TMEFF2: variants seen among roughly 807,000 people sequenced by gnomAD.
The protein encoded by TMEFF2 is tomoregulin-2.
Under a neutral mutation model 53.8 loss-of-function variants are expected in TMEFF2, and 28 were observed. That is an observed-to-expected ratio of 0.52 (90% CI 0.39 to 0.71). The LOEUF (loss-of-function observed/expected upper bound fraction) is 0.71. Among genes scored for constraint, TMEFF2 ranks in the 30% least tolerant of loss-of-function variants. TMEFF2 has a pLI of 0.00. For missense variants in TMEFF2, 353 were observed against 455.2 expected, an observed-to-expected ratio of 0.78 and a Z score of 2.04; for synonymous variants, 162 against 166.3, an observed-to-expected ratio of 0.97 and a Z score of 0.20.
In TMEFF2 at chr2:192,143,816, A is replaced by T. The variant is rs145934140; in HGVS notation, c.439+35852T>A. 9.2e-5 allele frequency among the ~76,000 whole-genome samples: 14 copies of T among 152,190 alleles called. 1 individual carries two copies. In the East Asian group the frequency reaches 2.7e-3, roughly 29 times the overall value. On this transcript the variant is annotated intron_variant, in intron 4 of 9. Coordinates refer to ENST00000272771, the MANE Select transcript of TMEFF2 (RefSeq NM_016192.4). ...AAGTGGTTTATTTGAAGGATATAAGACCTATACTCTCTTCTCAGTGATATT... is the reference window on the plus strand; with the variant it reads ...AAGTGGTTTATTTGAAGGATATAAGTCCTATACTCTCTTCTCAGTGATATT...
intron 4 of TMEFF2, among the ~76,000 whole-genome samples, chr2:192,136,550 G>A (rs993504856): frequency 3.9e-5 from 6 of 152,104 alleles, no homozygotes; most frequent in African/African-American, 1.4e-4. Flanking sequence ...TGAGTGTATA[G>A]TAGTATTACC....
chr2:192,169,617 G>A (rs1045100837), intron 4 of TMEFF2, among the ~76,000 whole-genome samples: 2 of 152,080 alleles, frequency 1.3e-5, no homozygotes, highest in South Asian at 2.1e-4. Context: ...AATATTTTAC[G>A]TAGGCAAGTA....
intron 4 of TMEFF2, among the ~76,000 whole-genome samples, chr2:192,129,037 G>A (rs1455467080): frequency 6.6e-6 from 1 of 152,134 alleles, no homozygotes; most frequent in Admixed American, 6.5e-5. Context: ...TGCCCCATAG[G>A]AGAGTGTTGA....
intron 7 of TMEFF2, among the ~76,000 whole-genome samples, chr2:191,990,198 C>T (rs1385858146): frequency 1.3e-5 from 2 of 152,130 alleles, no homozygotes; most frequent in East Asian, 1.9e-4. Flanking sequence ...AGGAAACAAA[C>T]TACAACCATG....
rs138916856 is a variant in TMEFF2, at chr2:191,964,229, TTTCCTTCC to T, written c.746-7859_746-7852del. ...CTTTCTCTCTTTCTGTCTGTCTTTCTTTCCTTCCTTCCTTCCTTCCTTCCTTCCTCCTT... is the reference window on the plus strand; with the variant it reads ...CTTTCTCTCTTTCTGTCTGTCTTTCTTTCCTTCCTTCCTTCCTTCCTCCTT... On this transcript the variant is annotated intron_variant, in intron 7 of 9. Coordinates refer to ENST00000272771, the MANE Select transcript of TMEFF2 (RefSeq NM_016192.4). Among the ~76,000 whole-genome samples, 858 of 140,776 alleles carry T rather than the reference TTTCCTTCC, an allele frequency of 6.1e-3. 9 individuals carry two copies. The highest frequency in any genetic ancestry group is 0.025 in the East Asian group (119 of 4,806). The allele number at this position is 140,776 out of a possible 152,430, so 92.4% of individuals were successfully genotyped here. A position where few individuals can be genotyped will look rare whatever the true frequency, so the allele number is the denominator to read the frequency against.
chr2:192,089,355 C>T lies in TMEFF2; in HGVS notation c.440-31580G>A, dbSNP rs559341042. ...AAACAATCTTAGTCTTTTTTTCCCC[C>T]CAAAGGTTTGGATGACTGAATATTG... On this transcript the variant is annotated intron_variant, in intron 4 of 9. Transcript: ENST00000272771. Among the ~76,000 whole-genome samples, 7 of 152,024 alleles carry T rather than the reference C, an allele frequency of 4.6e-5. No individual in the cohort carries two copies. The East Asian group carries it at 5.8e-4, about 13-fold the overall frequency.
rs373482905 is a variant in TMEFF2 at position 192,194,348 on chromosome 2, C to G, written c.172+5G>C. Reference sequence around the variant, plus strand: ...AAGGGTCGGGGACGGGGGTTCTGGACTTACCAGAGCAATTCCAGCCGGTGG... The same window carrying G: ...AAGGGTCGGGGACGGGGGTTCTGGAGTTACCAGAGCAATTCCAGCCGGTGG... On this transcript the variant is annotated splice_donor_5th_base_variant and intron_variant, in intron 1 of 9. Transcript: ENST00000272771. The surrounding 1 kb of genome is among the most constrained non-coding windows in gnomAD (Gnocchi z 4.2). 6.2e-7 allele frequency: 1 copy of G among 1,613,852 alleles called. No individual in the cohort carries two copies. Among genetic ancestry groups the G allele is most frequent in the African/African-American group, 1.3e-5 (1 of 74,914 alleles).
chr2:192,115,389 A>C (rs1689380267), intron 4 of TMEFF2, among the ~76,000 whole-genome samples: 1 of 151,990 alleles, frequency 6.6e-6, no homozygotes, highest in Admixed American at 6.6e-5. Flanking sequence ...AGAAAACATC[A>C]GGGAACAGCT....
At chr2:191,962,240 G>T (rs577552579) in intron 7 of TMEFF2, among the ~76,000 whole-genome samples, 31 of 152,316 alleles carry the variant, frequency 2.0e-4, no homozygotes, top group Non-Finnish European at 4.0e-4. Context: ...TAGTGAGGCA[G>T]TGGTATGGGT....
At chr2:191,953,974 C>T (rs553036453) in intron 8 of TMEFF2, 137 bp from the exon 9 acceptor site, 70 of 702,802 alleles carry the variant, frequency 1.0e-4, no homozygotes, top group Admixed American at 3.1e-4. Flanking sequence ...CTGCAAGTTC[C>T]GCCTCCGGGT....
At chr2:192,152,672 G>GA (rs1381239979) in intron 4 of TMEFF2, among the ~76,000 whole-genome samples, 6 of 151,818 alleles carry the variant, frequency 4.0e-5, no homozygotes, top group Admixed American at 1.3e-4. Context: ...TTATAGATTA[G>GA]AAAAAAGACA....
At chr2:192,161,795 C>T (rs573912156) in intron 4 of TMEFF2, among the ~76,000 whole-genome samples, 40 of 152,262 alleles carry the variant, frequency 2.6e-4, no homozygotes, top group African/African-American at 9.6e-4. Flanking sequence ...GTCTCTCACT[C>T]TGTGCCTGGC....
In TMEFF2 at chr2:192,048,153, A is replaced by T. The variant is rs561636924; in HGVS notation, c.536+9526T>A. On this transcript the variant is annotated intron_variant, in intron 5 of 9. Coordinates refer to ENST00000272771, the MANE Select transcript of TMEFF2 (RefSeq NM_016192.4). Reference sequence around the variant, plus strand: ...CACAAATGTTAGGACAGTACGCTCAAACGAATTTTTTTTTTTTAGAAGTGC... The same window carrying T: ...CACAAATGTTAGGACAGTACGCTCATACGAATTTTTTTTTTTTAGAAGTGC... Among the ~76,000 whole-genome samples the T allele has an allele frequency of 2.6e-3, 389 of 149,014 alleles. 2 individuals carry two copies. Among genetic ancestry groups the T allele is most frequent in the African/African-American group, 9.3e-3 (378 of 40,534 alleles).
chr2:192,145,526 C>A (rs1013232743), intron 4 of TMEFF2, among the ~76,000 whole-genome samples: 7 of 150,954 alleles, frequency 4.6e-5, no homozygotes, highest in African/African-American at 1.7e-4. Flanking sequence ...TACAATGTAA[C>A]GTTTTGAAAG....
chr2:192,077,643 G>A (rs1688462775), intron 4 of TMEFF2, among the ~76,000 whole-genome samples: 1 of 151,934 alleles, frequency 6.6e-6, no homozygotes, highest in South Asian at 2.1e-4. Context: ...AATGAGGCCA[G>A]GAATGAGGAA....
chr2:192,118,026 G>A (rs1689457332), intron 4 of TMEFF2, among the ~76,000 whole-genome samples: 1 of 149,686 alleles, frequency 6.7e-6, no homozygotes, highest in Non-Finnish European at 1.5e-5. Flanking sequence ...CCAAGAATCT[G>A]GATACCCTCC....
At chr2:191,971,323 T>TA (rs1692633424) in intron 7 of TMEFF2, among the ~76,000 whole-genome samples, 1 of 152,146 alleles carries the variant, frequency 6.6e-6, no homozygotes, top group Non-Finnish European at 1.5e-5. Context: ...ATAGGGGTTA[T>TA]AAAACATGTA....
At chr2:191,953,399 A>G (rs1001246463) in intron 9 of TMEFF2, among the ~76,000 whole-genome samples, 1 of 152,232 alleles carries the variant, frequency 6.6e-6, no homozygotes, top group Non-Finnish European at 1.5e-5. Context: ...ATTCAGATAC[A>G]TAAGGATACT....
At position 191,950,104 on chromosome 2, in the gene TMEFF2, A is replaced by T. The variant is rs1245484809; in HGVS notation, c.*207T>A. On this transcript the variant is annotated 3_prime_UTR_variant, in exon 10 of 10. Transcript: ENST00000272771. ...TGTGTGATATAAATAGTTTATTTAC[A>T]TTACAGAAAAAACATCAAGACAATG... The T allele has an allele frequency of 2.3e-6, 3 of 1,318,172 alleles. No individual in the cohort carries two copies. The allele number at this position is 1,318,172 out of a possible 1,614,324, so 81.7% of individuals were successfully genotyped here.
Sources: gnomAD v4.1 joint callset for allele counts (sites outside exome capture counted in the v4.1 genomes callset) on GRCh38, gnomAD v4.1.1 for gene constraint, Gnocchi (gnomAD v3.1) non-coding constraint, MANE v1.5 for transcripts, NCBI Gene and HGNC (gene_info 2026-07-23, HGNC 2026-07-21) for gene names.